Variants in UNC79 observed in about 807,000 individuals in gnomAD.
UNC79 encodes the protein unc-79 subunit of NALCN channel complex, also known as protein unc-79 homolog.
Under a neutral mutation model 283.1 loss-of-function variants are expected in UNC79, and 37 were observed. That is an observed-to-expected ratio of 0.13 (90% CI 0.10 to 0.17). UNC79 has a LOEUF of 0.17. Among genes scored for constraint, UNC79 ranks in the 10% least tolerant of loss-of-function variants. The pLI is 1.00. For synonymous variants in UNC79, 1,107 were observed against 1,200.2 expected (o/e 0.92, Z 1.61); for missense variants, 2,272 against 3,211.1 (o/e 0.71, Z 7.07).
At chr14:93,489,870 C>T (rs1048654327) in intron 5 of UNC79, among the ~76,000 whole-genome samples, 6 of 152,194 alleles carry the variant, frequency 3.9e-5, no homozygotes, top group African/African-American at 1.4e-4. Flanking sequence ...CCTTCCTGGG[C>T]CCCACTCTGC....
intron 31 of UNC79, among the ~76,000 whole-genome samples, chr14:93,636,709 T>C (rs550759043): frequency 6.6e-6 from 1 of 152,140 alleles, no homozygotes; most frequent in South Asian, 2.1e-4. Flanking sequence ...GAACAAACAT[T>C]TTTGAAGCAC....
intron 30 of UNC79, 59 bp from the exon 33 acceptor site, chr14:93,630,742 G>A: frequency 7.4e-7 from 1 of 1,359,070 alleles, no homozygotes; most frequent in Admixed American, 1.7e-5. Flanking sequence ...ATATAGAAAA[G>A]GTTCTTGAAC....
intron 1 of UNC79, among the ~76,000 whole-genome samples, chr14:93,432,676 G>A (rs570678656): frequency 5.9e-5 from 9 of 152,104 alleles, no homozygotes; most frequent in Non-Finnish European, 8.8e-5. Flanking sequence ...AAAAAATTGG[G>A]TGCATTCTGT....
intron 6 of UNC79, among the ~76,000 whole-genome samples, 184 bp downstream of exon 6, chr14:93,496,650 C>T (rs1314390096): frequency 1.3e-5 from 2 of 152,094 alleles, no homozygotes; most frequent in Non-Finnish European, 2.9e-5. Context: ...AGAAATGGTA[C>T]TTTAAGAACA....
intron 1 of UNC79, among the ~76,000 whole-genome samples, chr14:93,384,371 A>G (rs1014905005): frequency 6.6e-6 from 1 of 152,144 alleles, no homozygotes; most frequent in Non-Finnish European, 1.5e-5. Context: ...GTTATTGTCT[A>G]ACTTTTGGAT....
intron 1 of UNC79, among the ~76,000 whole-genome samples, chr14:93,352,717 A>G (rs1021463216): frequency 6.6e-6 from 1 of 152,190 alleles, no homozygotes; most frequent in African/African-American, 2.4e-5. Flanking sequence ...TCAGCCTCTC[A>G]GTCTATAACT....
At chr14:93,606,768 A>T (rs1340708151) in intron 26 of UNC79, among the ~76,000 whole-genome samples, 1 of 152,234 alleles carries the variant, frequency 6.6e-6, no homozygotes, top group African/African-American at 2.4e-5. Flanking sequence ...AAAATGGAAT[A>T]GAAAATTCTG....
chr14:93,654,127 G>A, intron 37 of UNC79, 102 bp downstream of exon 40: 1 of 799,358 alleles, frequency 1.3e-6, no homozygotes, highest in Non-Finnish European at 1.9e-6. Context: ...ATACTGCTGA[G>A]GAAGGATTGC....
intron 14 of UNC79, among the ~76,000 whole-genome samples, chr14:93,546,116 T>C (rs1182756717): frequency 6.6e-6 from 1 of 152,218 alleles, no homozygotes; most frequent in Admixed American, 6.5e-5. Context: ...CATAGTGATG[T>C]TATCCGCAGG....
At chr14:93,436,528 C>G (rs2056090232) in intron 1 of UNC79, among the ~76,000 whole-genome samples, 1 of 151,936 alleles carries the variant, frequency 6.6e-6, no homozygotes, top group Admixed American at 6.6e-5. Flanking sequence ...AAGTCAGGGC[C>G]TCTTCAGACC....
intron 1 of UNC79, among the ~76,000 whole-genome samples, chr14:93,399,395 T>C (rs945627423): frequency 7.9e-5 from 12 of 152,196 alleles, no homozygotes; most frequent in African/African-American, 2.7e-4. Context: ...AGCACAATTA[T>C]GTAAGACTAC....
Position 93,406,210 on chromosome 14 carries a change from C to G in UNC79, c.-350-61461C>G, listed in dbSNP as rs151004683. Among the ~76,000 whole-genome samples, 337 of 152,062 alleles carry G rather than the reference C, an allele frequency of 2.2e-3. 3 individuals carry two copies. Among genetic ancestry groups the G allele is most frequent in the African/African-American group, 7.8e-3 (322 of 41,404 alleles). Reference sequence around the variant, plus strand: ...GCAAAAATTCTAGAAAAAAAATTAACACAGCAAATTCAGCAGTGTTAAGAA... The same window carrying G: ...GCAAAAATTCTAGAAAAAAAATTAAGACAGCAAATTCAGCAGTGTTAAGAA... On this transcript the variant is annotated intron_variant, in intron 1 of 49. Coordinates refer to the UNC79 transcript ENST00000256339.
chr14:93,620,631 T>C (rs2067065193), intron 29 of UNC79, among the ~76,000 whole-genome samples: 2 of 152,224 alleles, frequency 1.3e-5, no homozygotes, highest in South Asian at 4.1e-4. Flanking sequence ...AAAGGCGCTA[T>C]TGGACTCTCA....
intron 1 of UNC79, among the ~76,000 whole-genome samples, chr14:93,341,317 C>T (rs970710240): frequency 6.6e-6 from 1 of 152,002 alleles, no homozygotes; most frequent in Middle Eastern, 3.4e-3. Context: ...ATGAGCCAGG[C>T]GTGGTGGTAC....
intron 24 of UNC79, 92 bp downstream of exon 24, chr14:93,597,632 C>A: frequency 7.6e-7 from 1 of 1,318,640 alleles, no homozygotes; most frequent in Non-Finnish European, 1.0e-6. Flanking sequence ...GTCTGTTTGA[C>A]CTGCTATAAC....
intron 1 of UNC79, among the ~76,000 whole-genome samples, chr14:93,354,074 A>G (rs781769696): frequency 7.9e-5 from 12 of 152,232 alleles, no homozygotes; most frequent in Non-Finnish European, 1.5e-4. Context: ...TAGATGAAGA[A>G]TGGGGGAAAA....
At chr14:93,519,785 T>C (rs1478375591) in intron 7 of UNC79, among the ~76,000 whole-genome samples, 1 of 151,852 alleles carries the variant, frequency 6.6e-6, no homozygotes, top group Non-Finnish European at 1.5e-5. Context: ...ATTATATCAG[T>C]TTACATATAA....
chr14:93,638,449 A>C (rs2068706352), intron 32 of UNC79, among the ~76,000 whole-genome samples: 1 of 152,214 alleles, frequency 6.6e-6, no homozygotes, highest in Non-Finnish European at 1.5e-5. Context: ...AGTGATGAGA[A>C]CACTAAGATG....
intron 20 of UNC79, among the ~76,000 whole-genome samples, chr14:93,586,112 C>T (rs1315234739): frequency 1.3e-5 from 2 of 152,264 alleles, no homozygotes; most frequent in East Asian, 3.9e-4. Flanking sequence ...GAACTCTGAC[C>T]TCAAGTGATC....
Sources: allele counts gnomAD v4.1 joint callset (sites outside exome capture counted in the v4.1 genomes callset), GRCh38; gene constraint gnomAD v4.1.1; transcripts MANE v1.5; gene names NCBI Gene and HGNC (gene_info 2026-07-23, HGNC 2026-07-21).